The following CREBRF variants were observed in gnomAD, a reference collection of about 807,000 sequenced individuals.
CREBRF encodes the protein UPF0474 protein C5orf41.
Under a neutral mutation model 66.1 loss-of-function variants are expected in CREBRF, and 5 were observed. The ratio of observed to expected loss-of-function variants is 0.08; its 90% CI spans 0.04 to 0.16. The LOEUF (loss-of-function observed/expected upper bound fraction) is 0.16, where lower values mean the gene tolerates loss of function less well. Among genes scored for constraint, CREBRF ranks in the 10% least tolerant of loss-of-function variants. The pLI is 1.00. For missense variants in CREBRF, 531 were observed against 744.9 expected, an observed-to-expected ratio of 0.71 and a Z score of 3.34; for synonymous variants, 229 against 264.4, an observed-to-expected ratio of 0.87 and a Z score of 1.30.
intron 4 of CREBRF, among the ~76,000 whole-genome samples, chr5:173,102,851 G>A (rs879322859): frequency 3.3e-5 from 5 of 152,030 alleles, no homozygotes; most frequent in Non-Finnish European, 4.4e-5. Context: ...TTCTGCTGGG[G>A]CTAGCTTGGG....
chr5:173,111,111 A>T (rs1380604013), intron 6 of CREBRF, among the ~76,000 whole-genome samples: 1 of 152,194 alleles, frequency 6.6e-6, no homozygotes, highest in Non-Finnish European at 1.5e-5. Context: ...GAACATTTTC[A>T]TCATCTTAAA....
chr5:173,133,657 A>C lies in CREBRF; in HGVS notation c.1832A>C (p.Glu611Ala), dbSNP rs988266335. 3.7e-6 allele frequency: 6 copies of C among 1,612,572 alleles called. No individual in the cohort carries two copies. In the East Asian group the frequency reaches 8.9e-5, roughly 24 times the overall value. Residue 611 changes from glutamate (E) to alanine (A), a missense_variant, in exon 9 of 9, where the codon GAA becomes GCA. Around this residue, in one of 5 missense-constraint regions of CREBRF, gnomAD observed 64 missense variants for 111.3 expected, o/e 0.58. Transcript: ENST00000296953. ...LGLPVAGQTS[E>A]FVNQVLEKTA... ...CTACCAGTTGCTGGGCAAACCTCAG[A>C]ATTTGTTAACCAAGTGTTAGAGAAG...
At chr5:173,129,455 C>T (rs987330044) in intron 8 of CREBRF, among the ~76,000 whole-genome samples, 9 of 152,220 alleles carry the variant, frequency 5.9e-5, no homozygotes, top group East Asian at 3.9e-4. Context: ...GGTGCAGTGG[C>T]TTACAGCTAT....
At chr5:173,107,316 G>A (rs1314812387) in intron 4 of CREBRF, among the ~76,000 whole-genome samples, 1 of 152,142 alleles carries the variant, frequency 6.6e-6, no homozygotes, top group African/African-American at 2.4e-5. Flanking sequence ...TCTTCGCACA[G>A]CCCATTCCGT....
intron 8 of CREBRF, among the ~76,000 whole-genome samples, chr5:173,131,611 A>G (rs1016072659): frequency 6.6e-6 from 1 of 152,012 alleles, no homozygotes; most frequent in Non-Finnish European, 1.5e-5. Flanking sequence ...TTTTCATTCC[A>G]TCAGTCAAGA....
chr5:173,085,643 C>A, intron 2 of CREBRF: 1 of 628,028 alleles, frequency 1.6e-6, no homozygotes, highest in Non-Finnish European at 2.9e-6. Context: ...TCTTGAACTC[C>A]TGACCTCAGG....
chr5:173,091,049 G>A lies in CREBRF; in HGVS notation c.870G>A (p.Leu290=). ...EPLQGHATPA[L]PFKETQELLL... is the part of the protein sequence containing the mutation. ...TTCAAGGTCATGCCACTCCCGCTTT[G>A]CCTTTTAAAGAAACCCAGGAACTAT... The change falls in exon 4 of 9, where the codon TTG becomes TTA. Residue 290 remains leucine (L), a synonymous_variant. Transcript: ENST00000296953. 6.2e-7 allele frequency: 1 copy of A among 1,614,170 alleles called. No homozygotes were observed. Among genetic ancestry groups the A allele is most frequent in the Non-Finnish European group, 8.5e-7 (1 of 1,180,032 alleles).
intron 1 of CREBRF, among the ~76,000 whole-genome samples, chr5:173,076,052 C>A (rs1306993890): frequency 1.2e-5 from 1 of 82,168 alleles, no homozygotes; most frequent in South Asian, 4.1e-4. Flanking sequence ...AAGACCCCAT[C>A]TCTACAAAAA....
intron 8 of CREBRF, among the ~76,000 whole-genome samples, chr5:173,131,988 C>T (rs571636658): frequency 1.3e-4 from 20 of 151,948 alleles, no homozygotes; most frequent in Middle Eastern, 3.4e-3. Flanking sequence ...CTTCGGCCTC[C>T]TAAAGTGCTG....
chr5:173,076,051 T>A (rs1317084236), intron 1 of CREBRF, among the ~76,000 whole-genome samples: 27 of 75,654 alleles, frequency 3.6e-4, no homozygotes, highest in Admixed American at 8.5e-4. Flanking sequence ...TAAGACCCCA[T>A]CTCTACAAAA....
chr5:173,072,680 C>T (rs573187395), intron 1 of CREBRF, among the ~76,000 whole-genome samples: 47 of 151,130 alleles, frequency 3.1e-4, no homozygotes, highest in African/African-American at 6.6e-4. Context: ...CCTCCTGCCT[C>T]GGCTTCCCAA....
chr5:173,105,514 A>C (rs1758727877), intron 4 of CREBRF, among the ~76,000 whole-genome samples: 1 of 152,130 alleles, frequency 6.6e-6, no homozygotes, highest in African/African-American at 2.4e-5. Context: ...GTTGTTGCCC[A>C]GGTTGGAGTG....
chr5:173,084,136 T>C (rs1365656274), intron 2 of CREBRF, among the ~76,000 whole-genome samples: 1 of 152,182 alleles, frequency 6.6e-6, no homozygotes, highest in Non-Finnish European at 1.5e-5. Flanking sequence ...AAGGAGTATG[T>C]TATTAAATGA....
intron 8 of CREBRF, among the ~76,000 whole-genome samples, chr5:173,125,793 G>A (rs1447161121): frequency 6.6e-6 from 1 of 152,238 alleles, no homozygotes. Context: ...GAACCCAGGA[G>A]GCAGAGGTTA....
At chr5:173,086,717 G>C (rs780864967) in intron 3 of CREBRF, 91 bp downstream of exon 3, 2 of 1,126,490 alleles carry the variant, frequency 1.8e-6, no homozygotes, top group Non-Finnish European at 2.5e-6. Context: ...GAAAAAAAAA[G>C]ATGTGCTTGG....
chr5:173,072,236 T>C (rs1218117844), intron 1 of CREBRF, among the ~76,000 whole-genome samples: 1 of 151,938 alleles, frequency 6.6e-6, no homozygotes, highest in Non-Finnish European at 1.5e-5. Context: ...GCCTCCTGAG[T>C]AGCTAGGACT....
intron 8 of CREBRF, among the ~76,000 whole-genome samples, chr5:173,124,919 C>CTTTT (rs373993898): frequency 1.8e-5 from 2 of 112,798 alleles, no homozygotes; most frequent in South Asian, 2.9e-4. Flanking sequence ...TCTTCTTCTT[C>CTTTT]TTTTTTTTTT....
intron 1 of CREBRF, among the ~76,000 whole-genome samples, chr5:173,066,252 A>T (rs1273927952): frequency 6.6e-6 from 1 of 152,244 alleles, no homozygotes; most frequent in African/African-American, 2.4e-5. Context: ...AAGACTAATT[A>T]TCCATTTCTG....
At chr5:173,106,045 G>T (rs1006826695) in intron 4 of CREBRF, among the ~76,000 whole-genome samples, 2 of 152,116 alleles carry the variant, frequency 1.3e-5, no homozygotes, top group African/African-American at 4.8e-5. Flanking sequence ...CAAATAAATA[G>T]GCCAAAGCCA....
Sources: gnomAD v4.1 joint callset for allele counts (sites outside exome capture counted in the v4.1 genomes callset) on GRCh38, gnomAD v4.1.1 for gene constraint, gnomAD v4.1.1 regional missense constraint, MANE v1.5 for transcripts, NCBI Gene and HGNC (gene_info 2026-07-23, HGNC 2026-07-21) for gene names.